The following CD33 variants were observed in gnomAD, a reference collection of about 807,000 sequenced individuals.
CD33 encodes the protein CD33 molecule.
A neutral mutation model predicts 31.4 loss-of-function variants in CD33; 25 were observed. The ratio of observed to expected loss-of-function variants is 0.80; its 90% CI spans 0.58 to 1.11. The LOEUF (loss-of-function observed/expected upper bound fraction) is 1.11, where lower values mean the gene tolerates loss of function less well. CD33 is among the 50% of genes most tolerant of loss of function. The pLI is 0.00. For missense variants in CD33, 407 were observed against 448.1 expected (o/e 0.91, Z 0.83); for synonymous variants, 176 against 180.6 (o/e 0.97, Z 0.20).
chr19:51,231,808 G>A (rs1981447209), intron 4 of CD33, among the ~76,000 whole-genome samples: 1 of 151,970 alleles, frequency 6.6e-6, no homozygotes, highest in Non-Finnish European at 1.5e-5. Flanking sequence ...GCCCAGGCAG[G>A]AGTGCAGTGG....
the CD33 span, among the ~76,000 whole-genome samples, chr19:51,219,573 T>G: frequency 6.6e-6 from 1 of 152,314 alleles, no homozygotes; most frequent in Non-Finnish European, 1.5e-5. Context: ...TGAATAGCAA[T>G]GAAGAGAGTG....
chr19:51,220,487 T>C (rs554793942), upstream of CD33, among the ~76,000 whole-genome samples: 1 of 152,296 alleles, frequency 6.6e-6, no homozygotes, highest in African/African-American at 2.4e-5. Flanking sequence ...CCTACTTCTG[T>C]CTCTGGGGCC....
the CD33 span, among the ~76,000 whole-genome samples, chr19:51,215,582 T>C: frequency 2.1e-3 from 322 of 152,250 alleles, no homozygotes; most frequent in Non-Finnish European, 4.0e-3. Context: ...CGTCTCACCC[T>C]CCAATATCGT....
intron 2 of CD33, 86 bp downstream of exon 2, chr19:51,225,684 G>T (rs1022840381): frequency 1.0e-4 from 153 of 1,527,378 alleles, no homozygotes; most frequent in Middle Eastern, 1.8e-4. Flanking sequence ...GTACTGGGAG[G>T]GGTTTAGGGG....
rs765713634 is a variant in CD33, at chr19:51,225,206, G to A, written c.38-12G>A. Reference sequence around the variant, plus strand: ...GTCGGGCTGGGCCGAGCTGACCCTCGTTTCCCCACAGGGGCCCTGGCTATG... The same window carrying A: ...GTCGGGCTGGGCCGAGCTGACCCTCATTTCCCCACAGGGGCCCTGGCTATG... On this transcript the variant is annotated splice_polypyrimidine_tract_variant and intron_variant, in intron 1 of 6. Transcript: ENST00000262262. 1.7e-5 allele frequency: 27 copies of A among 1,613,062 alleles called. No homozygotes were observed. Among genetic ancestry groups the A allele is most frequent in the Non-Finnish European group, 2.2e-5 (26 of 1,179,480 alleles).
At chr19:51,219,738 A>C in the CD33 span, among the ~76,000 whole-genome samples, 1 of 152,070 alleles carries the variant, frequency 6.6e-6, no homozygotes, top group East Asian at 1.9e-4. Context: ...CCATGAAGAG[A>C]TGTTGGATTT....
At chr19:51,231,642 CTCTT>C (rs1195602710) in intron 4 of CD33, among the ~76,000 whole-genome samples, 1 of 120,984 alleles carries the variant, frequency 8.3e-6, no homozygotes, top group East Asian at 2.2e-4. Flanking sequence ...TGATTCCTTT[CTCTT>C]TCTTCTTTGT....
intron 6 of CD33, chr19:51,235,934 G>T: frequency 2.9e-6 from 2 of 698,270 alleles, no homozygotes; most frequent in Non-Finnish European, 5.2e-6. Flanking sequence ...CAAGGCGGGC[G>T]GATCACGAGG....
the CD33 span, among the ~76,000 whole-genome samples, chr19:51,216,795 G>T: frequency 6.6e-6 from 1 of 152,180 alleles, no homozygotes; most frequent in African/African-American, 2.4e-5. Flanking sequence ...AGAAGCATAA[G>T]ATATACTGGG....
At chr19:51,231,510 G>A (rs1277172962) in intron 4 of CD33, among the ~76,000 whole-genome samples, 1 of 151,576 alleles carries the variant, frequency 6.6e-6, no homozygotes, top group African/African-American at 2.4e-5. Flanking sequence ...TTATTAATAG[G>A]TTATTTTCAT....
chr19:51,235,557 AG>A, intron 5 of CD33, 37 bp from the exon 6 acceptor site: 1 of 1,596,374 alleles, frequency 6.3e-7, no homozygotes, highest in Non-Finnish European at 8.5e-7. Context: ...CCACAGCCTG[AG>A]AAAACCAGGC....
At chr19:51,238,676 AT>A (rs1981965716) in intron 6 of CD33, 1 of 152,192 alleles carries the variant, frequency 6.6e-6, no homozygotes, top group Admixed American at 6.6e-5. Context: ...AGCAGATCTG[AT>A]TTTTCTGCTG....
chr19:51,235,320 C>T, intron 5 of CD33, 67 bp downstream of exon 5: 1 of 1,466,222 alleles, frequency 6.8e-7, no homozygotes, highest in South Asian at 1.1e-5. Flanking sequence ...TAGAAGGGTC[C>T]TGGAGGGGCT....
rs1330728381 is a variant in CD33, at chr19:51,225,897, G to A, written c.513G>A (p.Gln171=). 1.5e-5 allele frequency: 24 copies of A among 1,614,048 alleles called. No homozygotes were observed. Among genetic ancestry groups the A allele is most frequent in the Non-Finnish European group, 2.0e-5 (24 of 1,180,016 alleles). Reference sequence around the variant, plus strand: ...GCTCTGTGTCCTGGGCCTGTGAGCAGGGAACACCCCCGATCTTCTCCTGGT... The same window carrying A: ...GCTCTGTGTCCTGGGCCTGTGAGCAAGGAACACCCCCGATCTTCTCCTGGT... ...LTCSVSWACE[Q]GTPPIFSWLS... is the part of the protein sequence containing the mutation. The change falls in exon 3 of 7, where the codon CAG becomes CAA. Residue 171 remains glutamine, a synonymous_variant. Transcript: ENST00000262262.
rs1980932132 is a variant in CD33, at chr19:51,225,467, C to T, written c.287C>T (p.Pro96Leu). ...GGCAGATTCCGCCTCCTTGGGGATC[C>T]CAGTAGGAACAACTGCTCCCTGAGC... ...TQGRFRLLGD[P>L]SRNNCSLSIV... Residue 96 changes from proline (P) to leucine (L), a missense_variant, in exon 2 of 7, where the codon CCC becomes CTC. Physicochemically the swap from Pro to Leu is moderately conservative, Grantham distance 98 (BLOSUM62 -3). Transcript: ENST00000262262. 3 of 1,613,716 alleles carry T rather than the reference C, an allele frequency of 1.9e-6. No individual in the cohort carries two copies. Among genetic ancestry groups the T allele is most frequent in the Non-Finnish European group, 2.5e-6 (3 of 1,179,848 alleles).
the CD33 span, chr19:51,211,183 C>T: frequency 6.9e-6 from 11 of 1,582,808 alleles, no homozygotes; most frequent in African/African-American, 1.3e-5. Context: ...CGGGCTGGGC[C>T]GAGCTGACCC....
chr19:51,230,175 G>GT (rs1981304630), intron 4 of CD33, among the ~76,000 whole-genome samples: 1 of 404 alleles, frequency 2.5e-3, no homozygotes, highest in Non-Finnish European at 5.2e-3. Flanking sequence ...TGTATAGTTT[G>GT]CATGTTTCCC....
At chr19:51,220,899 A>T (rs1599862710), upstream of CD33, among the ~76,000 whole-genome samples, 2 of 152,340 alleles carry the variant, frequency 1.3e-5, no homozygotes, top group Admixed American at 1.3e-4. Context: ...CTGATAAGAC[A>T]GCCAAAAGAT....
chr19:51,235,576 C>T lies in CD33; in HGVS notation c.843-19C>T, dbSNP rs1981726577. ...AGCCTGAGAAAACCAGGCTCAAAGA[C>T]CCTGGTGTCTCCCATCAGAGTGAAG... On this transcript the variant is annotated intron_variant, in intron 5 of 6. Transcript: ENST00000262262. The T allele has an allele frequency of 1.2e-6, 2 of 1,610,026 alleles. No homozygotes were observed.
Sources: gnomAD v4.1 joint callset for allele counts (sites outside exome capture counted in the v4.1 genomes callset) on GRCh38, gnomAD v4.1.1 for gene constraint, MANE v1.5 for transcripts, NCBI Gene and HGNC (gene_info 2026-07-23, HGNC 2026-07-21) for gene names.